The following FXR1 variants were observed in gnomAD, a reference collection of about 807,000 sequenced individuals.
FXR1 encodes FMR1 autosomal homolog 1.
FXR1 carries 15 observed loss-of-function variants against 84.0 expected under a neutral mutation model. The ratio of observed to expected loss-of-function variants is 0.18; its 90% CI spans 0.12 to 0.27. The LOEUF is 0.27. FXR1 is among the 10% of genes least tolerant of loss of function. The pLI is 1.00. For synonymous variants in FXR1, 245 were observed against 250.7 expected, an observed-to-expected ratio of 0.98 and a Z score of 0.21; for missense variants, 480 against 774.4, an observed-to-expected ratio of 0.62 and a Z score of 4.51.
chr3:180,927,916 T>C, intron 1 of FXR1: 1 of 336,948 alleles, frequency 3.0e-6, no homozygotes. Context: ...TTGTATGCTG[T>C]TTCACCCTCT....
chr3:180,928,974 G>T (rs1405174305), intron 1 of FXR1, among the ~76,000 whole-genome samples: 1 of 151,800 alleles, frequency 6.6e-6, no homozygotes, highest in East Asian at 1.9e-4. Context: ...CTAGGCTGGA[G>T]TGCAATGCGC....
chr3:180,968,174 G>C lies in FXR1; in HGVS notation c.1322G>C (p.Arg441Pro). The C allele has an allele frequency of 6.2e-7, 1 of 1,613,780 alleles. No homozygotes were observed. Among genetic ancestry groups the C allele is most frequent in the Non-Finnish European group, 8.5e-7 (1 of 1,179,668 alleles). The change falls in exon 14 of 17, where the codon CGC becomes CCC. Residue 441 changes from arginine (R) to proline (P), a missense_variant. Arg to Pro is a moderately radical substitution (Grantham distance 103). Around this residue, in one of 6 missense-constraint regions of FXR1, gnomAD observed 157 missense variants for 227.8 expected, o/e 0.69. Transcript: ENST00000357559. ...CGACATCAGCGTGACAGCAGGAGACGCCCAGGAGGAAGAGGCAGAAGTGTT... is the reference window on the plus strand; with the variant it reads ...CGACATCAGCGTGACAGCAGGAGACCCCCAGGAGGAAGAGGCAGAAGTGTT... ...DSRHQRDSRR[R>P]PGGRGRSVSG...
chr3:180,967,560 T>C (rs908102194), intron 13 of FXR1, among the ~76,000 whole-genome samples: 13 of 152,008 alleles, frequency 8.6e-5, no homozygotes, highest in African/African-American at 3.1e-4. Flanking sequence ...ATAAATGATG[T>C]TCTGTATGGT....
At chr3:180,937,521 A>T (rs1317618733) in intron 3 of FXR1, among the ~76,000 whole-genome samples, 3 of 152,054 alleles carry the variant, frequency 2.0e-5, no homozygotes, top group Non-Finnish European at 4.4e-5. Context: ...AGTTTTTTTT[A>T]AATTTCACGT....
Position 180,977,521 on chromosome 3 carries a change from A to C in FXR1, c.*1229A>C, listed in dbSNP as rs1016221589. The C allele has an allele frequency of 5.3e-5, 8 of 152,138 alleles. No homozygotes were observed. The highest frequency in any genetic ancestry group is 1.7e-4 in the African/African-American group (7 of 41,460). 9.4% of individuals were successfully genotyped at this position (152,138 alleles called of 1,614,324 possible). On this transcript the variant is annotated 3_prime_UTR_variant, in exon 17 of 17. Transcript: ENST00000357559. Reference sequence around the variant, plus strand: ...TTCTCAACTTATTTTGAAGGCTCTCATATCAGTGACCAAAAATCAGTTATT... The same window carrying C: ...TTCTCAACTTATTTTGAAGGCTCTCCTATCAGTGACCAAAAATCAGTTATT...
At chr3:180,962,077 G>A (rs981042023) in intron 11 of FXR1, among the ~76,000 whole-genome samples, 2 of 152,086 alleles carry the variant, frequency 1.3e-5, no homozygotes, top group Non-Finnish European at 2.9e-5. Flanking sequence ...AAGAGCAAGG[G>A]TTTTTAGAAA....
intron 13 of FXR1, among the ~76,000 whole-genome samples, chr3:180,964,218 G>T (rs183200904): frequency 6.6e-6 from 1 of 152,188 alleles, no homozygotes; most frequent in East Asian, 1.9e-4. Flanking sequence ...GATGAAAATT[G>T]CAGACTATTA....
chr3:180,958,509 ATTAC>A (rs897880348), intron 10 of FXR1, among the ~76,000 whole-genome samples: 12 of 152,130 alleles, frequency 7.9e-5, no homozygotes, highest in African/African-American at 2.9e-4. Flanking sequence ...CCATTCCTGA[ATTAC>A]TTCATTTAGA....
chr3:180,941,556 C>G (rs987065017), intron 3 of FXR1, among the ~76,000 whole-genome samples: 3 of 152,034 alleles, frequency 2.0e-5, no homozygotes, highest in Admixed American at 6.6e-5. Context: ...AAGTTTGATT[C>G]TTTTGGCCAG....
At chr3:180,919,755 C>A (rs1475676442) in intron 1 of FXR1, among the ~76,000 whole-genome samples, 1 of 152,058 alleles carries the variant, frequency 6.6e-6, no homozygotes, top group African/African-American at 2.4e-5. Flanking sequence ...CTCACTGCAA[C>A]CTCTGCCTCC....
At chr3:180,938,010 C>T (rs1215552657) in intron 3 of FXR1, among the ~76,000 whole-genome samples, 1 of 151,998 alleles carries the variant, frequency 6.6e-6, no homozygotes, top group African/African-American at 2.4e-5. Flanking sequence ...ATATTTGTGA[C>T]TTTTGTATTC....
chr3:180,934,585 G>C (rs1413035255), intron 2 of FXR1, among the ~76,000 whole-genome samples: 1 of 152,152 alleles, frequency 6.6e-6, no homozygotes, highest in Non-Finnish European at 1.5e-5. Flanking sequence ...AATGGAACGT[G>C]AGAAAATGAA....
intron 3 of FXR1, among the ~76,000 whole-genome samples, chr3:180,937,684 T>C (rs1720679597): frequency 6.6e-6 from 1 of 152,212 alleles, no homozygotes; most frequent in Non-Finnish European, 1.5e-5. Context: ...CATAGGATTT[T>C]GTTTTTTTGT....
intron 1 of FXR1, among the ~76,000 whole-genome samples, chr3:180,932,327 G>A (rs556811222): frequency 1.3e-5 from 2 of 152,236 alleles, no homozygotes; most frequent in African/African-American, 2.4e-5. Flanking sequence ...TATTTCCTAT[G>A]TACACCATGG....
chr3:180,968,017 AATCT>A, intron 13 of FXR1, 30 bp from the exon 14 acceptor site: 1 of 1,358,974 alleles, frequency 7.4e-7, no homozygotes, highest in Non-Finnish European at 1.1e-6. Flanking sequence ...TTTTTATAGA[AATCT>A]AAGTGGTTTA....
At chr3:180,968,280 A>G in intron 14 of FXR1, 26 bp downstream of exon 14, 1 of 1,445,732 alleles carries the variant, frequency 6.9e-7, no homozygotes, top group Non-Finnish European at 9.7e-7. Flanking sequence ...CTCTGTCAGC[A>G]TCCATTATTT....
intron 1 of FXR1, among the ~76,000 whole-genome samples, chr3:180,930,663 T>C (rs905430242): frequency 6.6e-5 from 10 of 152,174 alleles, no homozygotes; most frequent in Admixed American, 6.5e-5. Flanking sequence ...TTCTGAAATT[T>C]GTTAAAAAAT....
chr3:180,948,392 A>G lies in FXR1; in HGVS notation c.316A>G (p.Ile106Val). 1 of 1,607,690 alleles carries G rather than the reference A, an allele frequency of 6.2e-7. No homozygotes were observed. The highest frequency in any genetic ancestry group is 8.5e-7 in the Non-Finnish European group (1 of 1,174,264). ...TGCTTGTGACGCTACTTACAATGAAATAGTCACATTTGAACGACTTCGGCC... is the reference window on the plus strand; with the variant it reads ...TGCTTGTGACGCTACTTACAATGAAGTAGTCACATTTGAACGACTTCGGCC... ...YAACDATYNE[I>V]VTFERLRPVN... Residue 106 changes from isoleucine (I) to valine (V), a missense_variant, in exon 5 of 17, where the codon ATA becomes GTA. Ile to Val is a conservative substitution (Grantham distance 29). Around this residue, in one of 6 missense-constraint regions of FXR1, gnomAD observed 136 missense variants for 315.4 expected, o/e 0.43. Transcript: ENST00000357559.
chr3:180,945,177 T>C (rs534597178), intron 3 of FXR1, among the ~76,000 whole-genome samples: 1 of 152,366 alleles, frequency 6.6e-6, no homozygotes, highest in East Asian at 1.9e-4. Context: ...TTGAATACTT[T>C]GGAACTTTTA....
Sources: gnomAD v4.1 joint callset for allele counts (sites outside exome capture counted in the v4.1 genomes callset) on GRCh38, gnomAD v4.1.1 for gene constraint, gnomAD v4.1.1 regional missense constraint, MANE v1.5 for transcripts, NCBI Gene and HGNC (gene_info 2026-07-23, HGNC 2026-07-21) for gene names.